HEMK2: variants seen among roughly 807,000 people sequenced by gnomAD.
HEMK2 encodes the protein HemK methyltransferase 2, ETF1 glutamine and histone H4 lysine.
At chr21:28,826,497 A>G in the HEMK2 span, among the ~76,000 whole-genome samples, 1 of 152,198 alleles carries the variant, frequency 6.6e-6, no homozygotes. Context: ...AATCTCTTTC[A>G]TAACCAAATA....
chr21:28,737,137 G>A, the HEMK2 span, among the ~76,000 whole-genome samples: 10 of 152,204 alleles, frequency 6.6e-5, 1 homozygote, highest in Middle Eastern at 3.4e-3. Context: ...TAATTGGTTG[G>A]TTTTTGAGTC....
At chr21:28,748,071 G>C in the HEMK2 span, among the ~76,000 whole-genome samples, 2 of 152,200 alleles carry the variant, frequency 1.3e-5, no homozygotes, top group Non-Finnish European at 2.9e-5. Context: ...TATTGTGTAT[G>C]CATGAACATA....
the HEMK2 span, among the ~76,000 whole-genome samples, chr21:28,848,285 C>T: frequency 6.6e-6 from 1 of 152,018 alleles, no homozygotes; most frequent in South Asian, 2.1e-4. Context: ...TTCATGTGGT[C>T]TCTGATTTCT....
the HEMK2 span, among the ~76,000 whole-genome samples, chr21:28,590,325 G>A: frequency 6.6e-6 from 1 of 152,146 alleles, no homozygotes; most frequent in Non-Finnish European, 1.5e-5. Context: ...AGAACATGGT[G>A]TTGGAATGAC....
chr21:28,576,567 AT>A, the HEMK2 span, among the ~76,000 whole-genome samples: 1 of 152,090 alleles, frequency 6.6e-6, no homozygotes, highest in Admixed American at 6.5e-5. Flanking sequence ...TAGAATTTTC[AT>A]TTTTATAAAA....
the HEMK2 span, among the ~76,000 whole-genome samples, chr21:28,851,567 C>G: frequency 1.3e-5 from 2 of 152,194 alleles, no homozygotes; most frequent in Non-Finnish European, 1.5e-5. Flanking sequence ...ACAGGCCCCA[C>G]ATCACTGAAC....
the HEMK2 span, among the ~76,000 whole-genome samples, chr21:28,601,710 G>A: frequency 2.7e-4 from 41 of 151,290 alleles, no homozygotes; most frequent in African/African-American, 9.2e-4. Context: ...GGAGCAAGGA[G>A]ATTTTCCATT....
At chr21:28,797,042 G>T in the HEMK2 span, among the ~76,000 whole-genome samples, 1 of 152,134 alleles carries the variant, frequency 6.6e-6, no homozygotes, top group African/African-American at 2.4e-5. Flanking sequence ...TGTTCCTTCC[G>T]ACAGTTTCTA....
the HEMK2 span, among the ~76,000 whole-genome samples, chr21:28,757,561 GTTTAA>G: frequency 6.6e-6 from 1 of 152,242 alleles, no homozygotes; most frequent in Admixed American, 6.5e-5. Flanking sequence ...GTTTTAAATT[GTTTAA>G]TTTAACTTTG....
the HEMK2 span, among the ~76,000 whole-genome samples, chr21:28,772,765 T>G: frequency 6.6e-6 from 1 of 152,160 alleles, no homozygotes; most frequent in Non-Finnish European, 1.5e-5. Flanking sequence ...TAACCAAATG[T>G]GCTTCTCTGC....
chr21:28,876,544 G>T, the HEMK2 span: 2 of 1,114,452 alleles, frequency 1.8e-6, no homozygotes, highest in South Asian at 1.5e-5. Context: ...TAGTGTGCAT[G>T]ATCAATAAGC....
the HEMK2 span, among the ~76,000 whole-genome samples, chr21:28,697,251 C>T: frequency 1.3e-5 from 2 of 152,144 alleles, no homozygotes; most frequent in Admixed American, 6.5e-5. Context: ...GAATGCTTTG[C>T]TGCTTAGAAA....
the HEMK2 span, among the ~76,000 whole-genome samples, chr21:28,596,397 C>A: frequency 6.6e-6 from 1 of 152,098 alleles, no homozygotes; most frequent in Non-Finnish European, 1.5e-5. Flanking sequence ...ATTTTCTGAT[C>A]TTCTCAGTAT....
At chr21:28,728,884 T>C in the HEMK2 span, among the ~76,000 whole-genome samples, 12 of 152,218 alleles carry the variant, frequency 7.9e-5, no homozygotes, top group African/African-American at 2.9e-4. Flanking sequence ...CCTCTTTCCC[T>C]ACAGAAGGGA....
the HEMK2 span, among the ~76,000 whole-genome samples, chr21:28,696,604 C>A: frequency 6.6e-6 from 1 of 152,160 alleles, no homozygotes; most frequent in African/African-American, 2.4e-5. Context: ...ATTCTGGGGT[C>A]TAGCGGATGG....
the HEMK2 span, among the ~76,000 whole-genome samples, chr21:28,762,987 C>T: frequency 7.4e-3 from 1,119 of 152,188 alleles, 5 homozygotes; most frequent in Non-Finnish European, 0.012. Flanking sequence ...ACAGGAAATT[C>T]GGAAACAGGA....
the HEMK2 span, among the ~76,000 whole-genome samples, chr21:28,863,747 A>T: frequency 6.6e-6 from 1 of 152,072 alleles, no homozygotes; most frequent in South Asian, 2.1e-4. Flanking sequence ...TCAGAGTAAG[A>T]TTATCAGGAC....
chr21:28,603,236 T>C, the HEMK2 span, among the ~76,000 whole-genome samples: 1,546 of 152,282 alleles, frequency 0.01, 30 homozygotes, highest in African/African-American at 0.035. Flanking sequence ...AAAATTTCCC[T>C]AATAAATCAT....
the HEMK2 span, among the ~76,000 whole-genome samples, chr21:28,841,295 ATATAT>A: frequency 8.4e-5 from 1 of 11,964 alleles, no homozygotes; most frequent in Non-Finnish European, 1.1e-4. Flanking sequence ...AATATATATT[ATATAT>A]TATATATAAT....
Sources: gnomAD v4.1 joint callset for allele counts (sites outside exome capture counted in the v4.1 genomes callset) on GRCh38, gnomAD v4.1.1 for gene constraint, MANE v1.5 for transcripts, NCBI Gene and HGNC (gene_info 2026-07-23, HGNC 2026-07-21) for gene names.